Variants in SNTG1 observed in about 807,000 individuals in gnomAD.
The protein encoded by SNTG1 is syntrophin gamma 1, also known as gamma-1-syntrophin.
SNTG1 carries 39 observed loss-of-function variants against 74.7 expected under a neutral mutation model. That is an observed-to-expected ratio of 0.52 (90% CI 0.40 to 0.68). The LOEUF is 0.68. Ranked by LOEUF, SNTG1 falls within the 30% of genes least tolerant of loss-of-function variation. The probability of loss-of-function intolerance (pLI) is 0.00; values close to 1 mark genes in which losing one functional copy is unlikely to be tolerated. For missense variants in SNTG1, 685 were observed against 609.5 expected, an observed-to-expected ratio of 1.12 and a Z score of -1.30; for synonymous variants, 254 against 217.1, an observed-to-expected ratio of 1.17 and a Z score of -1.49.
In SNTG1 at chr8:50,156,940, C is replaced by T. The variant is rs368595639; in HGVS notation, c.-102-15621C>T. Among the ~76,000 whole-genome samples the T allele has an allele frequency of 7.2e-5, 11 of 152,218 alleles. No individual in the cohort carries two copies. The East Asian group carries it at 1.5e-3, about 21-fold the overall frequency. ...GTGTGAAATGTAAAATGGTACAGTG[C>T]TTCCATTTCCAAGAGGAATAAAATC... On this transcript the variant is annotated intron_variant, in intron 1 of 18. Coordinates refer to ENST00000642720, the MANE Select transcript of SNTG1 (RefSeq NM_018967.5).
At chr8:50,534,929 T>C (rs2094296807) in intron 10 of SNTG1, among the ~76,000 whole-genome samples, 1 of 152,156 alleles carries the variant, frequency 6.6e-6, no homozygotes, top group South Asian at 2.1e-4. Flanking sequence ...GTAATATTCC[T>C]AAGAATGCCC....
At chr8:50,215,814 C>A (rs76840005) in intron 2 of SNTG1, among the ~76,000 whole-genome samples, 2 of 152,042 alleles carry the variant, frequency 1.3e-5, no homozygotes, top group Non-Finnish European at 2.9e-5. Flanking sequence ...TTAATCTCAG[C>A]TAACTCTTCA....
intron 1 of SNTG1, among the ~76,000 whole-genome samples, chr8:50,047,144 A>G (rs1203577978): frequency 1.3e-5 from 2 of 152,040 alleles, no homozygotes; most frequent in Non-Finnish European, 2.9e-5. Flanking sequence ...CAGGAGACCA[A>G]CCTGGACAAC....
At chr8:50,391,261 T>C (rs1297619450) in intron 2 of SNTG1, among the ~76,000 whole-genome samples, 1 of 152,178 alleles carries the variant, frequency 6.6e-6, no homozygotes, top group Non-Finnish European at 1.5e-5. Flanking sequence ...ACCTAATGTA[T>C]TGAGAGTCTT....
chr8:50,306,560 T>C (rs568611872), intron 2 of SNTG1, among the ~76,000 whole-genome samples: 2 of 152,256 alleles, frequency 1.3e-5, no homozygotes, highest in South Asian at 4.1e-4. Context: ...CCAACATCTA[T>C]TGCTTTTTGA....
chr8:50,134,073 G>A (rs562278576), intron 1 of SNTG1, among the ~76,000 whole-genome samples: 1 of 152,246 alleles, frequency 6.6e-6, no homozygotes, highest in East Asian at 1.9e-4. Context: ...TTGGGGCAGG[G>A]GCTGCCAAGA....
chr8:50,618,405 C>T (rs1286920748), intron 13 of SNTG1, among the ~76,000 whole-genome samples: 4 of 152,156 alleles, frequency 2.6e-5, no homozygotes, highest in African/African-American at 9.7e-5. Flanking sequence ...CATTATAATT[C>T]TACCATATAC....
chr8:50,235,528 G>GA (rs1031202216), intron 2 of SNTG1, among the ~76,000 whole-genome samples: 4 of 151,872 alleles, frequency 2.6e-5, no homozygotes, highest in African/African-American at 9.7e-5. Flanking sequence ...GGTTTTCTAA[G>GA]AAAAAAATGT....
At chr8:50,532,509 G>A (rs916816541) in intron 10 of SNTG1, among the ~76,000 whole-genome samples, 6 of 152,334 alleles carry the variant, frequency 3.9e-5, no homozygotes, top group Non-Finnish European at 5.9e-5. Context: ...TTGACCATCT[G>A]ACTAAAAATT....
At chr8:50,494,176 CAT>C (rs1292408396) in intron 8 of SNTG1, among the ~76,000 whole-genome samples, 1 of 151,522 alleles carries the variant, frequency 6.6e-6, no homozygotes, top group Non-Finnish European at 1.5e-5. Context: ...TACACACACA[CAT>C]ACAACTTGTT....
intron 2 of SNTG1, among the ~76,000 whole-genome samples, chr8:50,223,152 G>A (rs1350717414): frequency 1.3e-5 from 2 of 152,018 alleles, no homozygotes; most frequent in Non-Finnish European, 2.9e-5. Flanking sequence ...ATATATCAAG[G>A]GGAGGGTGAT....
At chr8:49,944,922 G>C (rs1809037396) in intron 1 of SNTG1, among the ~76,000 whole-genome samples, 1 of 151,958 alleles carries the variant, frequency 6.6e-6, no homozygotes, top group Admixed American at 6.6e-5. Context: ...TGAGTAGCTG[G>C]GACTACATGC....
intron 12 of SNTG1, among the ~76,000 whole-genome samples, chr8:50,572,690 T>C (rs1159672): frequency 0.86 from 131,192 of 152,144 alleles, 56,747 homozygotes; most frequent in East Asian, 0.94. Flanking sequence ...TAAATTCTTC[T>C]CTTCTCATGG....
intron 12 of SNTG1, among the ~76,000 whole-genome samples, chr8:50,562,221 C>A (rs1312475957): frequency 2.0e-5 from 3 of 152,212 alleles, no homozygotes; most frequent in Non-Finnish European, 4.4e-5. Flanking sequence ...TCCTAACTCC[C>A]AGAACCTGTG....
chr8:50,748,945 T>A (rs2095561151), intron 17 of SNTG1, among the ~76,000 whole-genome samples: 1 of 151,986 alleles, frequency 6.6e-6, no homozygotes, highest in Non-Finnish European at 1.5e-5. Flanking sequence ...TGCAATGGAC[T>A]TTCTAAGCAT....
intron 1 of SNTG1, among the ~76,000 whole-genome samples, chr8:50,056,356 G>A (rs1326565443): frequency 6.6e-6 from 1 of 152,122 alleles, no homozygotes; most frequent in Non-Finnish European, 1.5e-5. Context: ...AAAGAGAAGA[G>A]CCTGAACCTT....
chr8:50,101,298 T>G (rs1011237099), intron 1 of SNTG1, among the ~76,000 whole-genome samples: 4 of 152,092 alleles, frequency 2.6e-5, no homozygotes, highest in Non-Finnish European at 5.9e-5. Context: ...ATATAGTCAG[T>G]AATAGGATTG....
intron 1 of SNTG1, among the ~76,000 whole-genome samples, chr8:50,030,667 GTCTATT>G (rs1817667709): frequency 6.6e-6 from 1 of 151,810 alleles, no homozygotes; most frequent in Non-Finnish European, 1.5e-5. Flanking sequence ...ACTTATGTGT[GTCTATT>G]TCAAGATTCC....
intron 13 of SNTG1, among the ~76,000 whole-genome samples, chr8:50,597,298 CAT>C (rs1390836901): frequency 1.3e-5 from 2 of 149,686 alleles, no homozygotes; most frequent in East Asian, 3.9e-4. Flanking sequence ...TATACACACA[CAT>C]ATATATACAT....
Sources: gnomAD v4.1 joint callset for allele counts (sites outside exome capture counted in the v4.1 genomes callset) on GRCh38, gnomAD v4.1.1 for gene constraint, MANE v1.5 for transcripts, NCBI Gene and HGNC (gene_info 2026-07-23, HGNC 2026-07-21) for gene names.